KAZN: variants seen among roughly 807,000 people sequenced by gnomAD.
KAZN encodes the protein kazrin.
KAZN carries 40 observed loss-of-function variants against 87.4 expected under a neutral mutation model. The observed-to-expected ratio is 0.46, with a 90% CI of 0.36 to 0.60. The LOEUF (loss-of-function observed/expected upper bound fraction) is 0.60. Among genes scored for constraint, KAZN ranks in the 20% least tolerant of loss-of-function variants. KAZN has a pLI of 0.00. For missense variants in KAZN, 898 were observed against 1,073.9 expected, an observed-to-expected ratio of 0.84 and a Z score of 2.29; for synonymous variants, 466 against 458.3, an observed-to-expected ratio of 1.02 and a Z score of -0.22.
chr1:14,750,727 C>CT (rs1422000953), intron 1 of KAZN, among the ~76,000 whole-genome samples: 1 of 152,150 alleles, frequency 6.6e-6, no homozygotes, highest in Non-Finnish European at 1.5e-5. Flanking sequence ...CCTCTAAACT[C>CT]TAATCTCCTG....
intron 1 of KAZN, among the ~76,000 whole-genome samples, chr1:13,900,482 A>G (rs771680933): frequency 6.6e-6 from 1 of 152,166 alleles, no homozygotes; most frequent in Non-Finnish European, 1.5e-5. Flanking sequence ...AGTTCCTACA[A>G]GTTGCTTATT....
At chr1:14,661,004 T>G (rs573117315) in intron 1 of KAZN, among the ~76,000 whole-genome samples, 4 of 152,274 alleles carry the variant, frequency 2.6e-5, no homozygotes, top group African/African-American at 9.6e-5. Context: ...ACGTCACTGA[T>G]TAAGAGGCCA....
At chr1:13,972,924 G>C (rs1266732079) in intron 1 of KAZN, among the ~76,000 whole-genome samples, 1 of 152,134 alleles carries the variant, frequency 6.6e-6, no homozygotes, top group Non-Finnish European at 1.5e-5. Context: ...CTGGATATAA[G>C]GACCCTTATA....
chr1:14,082,502 T>C (rs895554317), intron 1 of KAZN, among the ~76,000 whole-genome samples: 1 of 152,132 alleles, frequency 6.6e-6, no homozygotes, highest in African/African-American at 2.4e-5. Flanking sequence ...GAGATGCAAG[T>C]CAACCCTTGA....
chr1:14,384,269 A>C (rs575189111), intron 2 of KAZN, among the ~76,000 whole-genome samples: 221 of 152,012 alleles, frequency 1.5e-3, no homozygotes, highest in African/African-American at 4.9e-3. Flanking sequence ...AAACAGGGAT[A>C]ATTTGACTTC....
chr1:14,598,616 G>A, upstream of KAZN: 1 of 1,083,300 alleles, frequency 9.2e-7, no homozygotes, highest in Non-Finnish European at 1.1e-6. This position sits in a 1 kb window ranked among gnomAD's most constrained non-coding sequence, Gnocchi z 4.2. Flanking sequence ...GCCTCCGACC[G>A]AGACCCCCTC....
intron 1 of KAZN, among the ~76,000 whole-genome samples, chr1:14,917,941 C>T (rs975815961): frequency 3.9e-5 from 6 of 151,930 alleles, no homozygotes; most frequent in South Asian, 2.1e-4. Flanking sequence ...TGCAGTGGCG[C>T]GATCTCAGCT....
intron 2 of KAZN, among the ~76,000 whole-genome samples, chr1:14,296,652 T>C (rs974048765): frequency 5.2e-4 from 77 of 149,080 alleles, no homozygotes; most frequent in Non-Finnish European, 1.0e-3. Context: ...TTTTTTTTTT[T>C]TGAGACAAAA....
chr1:14,061,338 G>GA (rs1642786509), intron 1 of KAZN, among the ~76,000 whole-genome samples: 1 of 152,150 alleles, frequency 6.6e-6, no homozygotes, highest in Non-Finnish European at 1.5e-5. Flanking sequence ...AAGAACTGAA[G>GA]AATGAATAGG....
intron 2 of KAZN, among the ~76,000 whole-genome samples, chr1:14,382,515 G>A (rs1437847308): frequency 7.9e-6 from 1 of 125,828 alleles, no homozygotes; most frequent in Non-Finnish European, 1.6e-5. Flanking sequence ...TCCCCTTCCT[G>A]TGTCCATGTG....
chr1:14,341,246 A>C (rs779633377), intron 2 of KAZN, among the ~76,000 whole-genome samples: 1 of 152,192 alleles, frequency 6.6e-6, no homozygotes, highest in East Asian at 1.9e-4. Flanking sequence ...TTTTTTAAAA[A>C]GATTAGGCAC....
Position 15,056,210 on chromosome 1 carries a change from G to C in KAZN, c.846G>C (p.Leu282=). 1 of 1,614,094 alleles carries C rather than the reference G, an allele frequency of 6.2e-7. No homozygotes were observed. Among genetic ancestry groups the C allele is most frequent in the Non-Finnish European group, 8.5e-7 (1 of 1,180,004 alleles). Residue 282 remains leucine (L), a synonymous_variant, in exon 5 of 15, where the codon CTG becomes CTC. Transcript: ENST00000376030. The surrounding 1 kb of genome is among the most constrained non-coding windows in gnomAD (Gnocchi z 5.4). ...GGGTGGTGCAGGCGGACCTCCCGCT[G>C]ACCGCAGCCATCCGGCAGAGTCAAC... The part of the protein sequence containing the change: ...QEWVVQADLP[L]TAAIRQSQQT...
intron 2 of KAZN, among the ~76,000 whole-genome samples, chr1:14,590,620 G>A (rs2148579586): frequency 6.6e-6 from 1 of 152,256 alleles, no homozygotes; most frequent in Middle Eastern, 3.4e-3. Flanking sequence ...ATAAATGGTT[G>A]AGCAAACTGG....
intron 1 of KAZN, among the ~76,000 whole-genome samples, chr1:14,687,785 C>G (rs558415970): frequency 3.3e-5 from 5 of 152,336 alleles, no homozygotes; most frequent in Non-Finnish European, 7.3e-5. Context: ...TAAGAGTTTT[C>G]TGTGCACTTT....
At chr1:15,051,561 G>A (rs1265636508) in intron 4 of KAZN, among the ~76,000 whole-genome samples, 1 of 152,212 alleles carries the variant, frequency 6.6e-6, no homozygotes, top group African/African-American at 2.4e-5. Context: ...TATTTGTTGG[G>A]TATTTTTACC....
chr1:15,002,604 A>G (rs1668599411), intron 2 of KAZN, among the ~76,000 whole-genome samples: 1 of 152,182 alleles, frequency 6.6e-6, no homozygotes. Context: ...CGTCATCGCC[A>G]TCATCATTGT....
intron 1 of KAZN, among the ~76,000 whole-genome samples, chr1:14,837,875 T>C (rs1282274851): frequency 6.6e-6 from 1 of 152,194 alleles, no homozygotes; most frequent in Non-Finnish European, 1.5e-5. Context: ...TGTGTGAATA[T>C]AAAACGGTTT....
chr1:14,904,074 C>T (rs779184412), intron 1 of KAZN, among the ~76,000 whole-genome samples: 7 of 152,172 alleles, frequency 4.6e-5, no homozygotes, highest in Non-Finnish European at 1.0e-4. Flanking sequence ...ACCTGATTAG[C>T]TAGTTGGCCT....
chr1:14,665,299 T>G (rs1243864904), intron 1 of KAZN, among the ~76,000 whole-genome samples: 2 of 152,030 alleles, frequency 1.3e-5, no homozygotes, highest in Non-Finnish European at 2.9e-5. Flanking sequence ...CTCTTTTTTT[T>G]TTTATTACTG....
Sources: allele counts gnomAD v4.1 joint callset (sites outside exome capture counted in the v4.1 genomes callset), GRCh38; gene constraint gnomAD v4.1.1; non-coding constraint Gnocchi (gnomAD v3.1); transcripts MANE v1.5; gene names NCBI Gene and HGNC (gene_info 2026-07-23, HGNC 2026-07-21).